Variants in TERB1 observed in about 807,000 individuals in gnomAD.
TERB1 encodes telomere repeat binding bouquet formation protein 1, also known as telomere repeats-binding bouquet formation protein 1.
TERB1 carries 63 observed loss-of-function variants against 92.3 expected under a neutral mutation model. The observed-to-expected ratio is 0.68, with a 90% CI of 0.56 to 0.84. The LOEUF (loss-of-function observed/expected upper bound fraction) is 0.84. TERB1 is among the 40% of genes least tolerant of loss of function. The pLI is 0.00. For missense variants in TERB1, 709 were observed against 843.7 expected (o/e 0.84, Z 1.98); for synonymous variants, 252 against 283.9 (o/e 0.89, Z 1.13).
intron 16 of TERB1, 27 bp from the exon 17 acceptor site, chr16:66,759,317 T>C: frequency 6.7e-7 from 1 of 1,500,276 alleles, no homozygotes; most frequent in Non-Finnish European, 8.9e-7. Context: ...TAAAGTTATG[T>C]GTAGATGTCA....
intron 12 of TERB1, 136 bp from the exon 13 acceptor site, chr16:66,772,885 A>C: frequency 1.6e-6 from 1 of 635,940 alleles, no homozygotes; most frequent in Non-Finnish European, 2.6e-6. Flanking sequence ...TGGTACTGAA[A>C]AGTAAGTGGA....
rs182532647 is a variant in TERB1 at position 66,792,864 on chromosome 16, T to A, written c.32-1845A>T. Among the ~76,000 whole-genome samples, 47 of 151,834 alleles carry A rather than the reference T, an allele frequency of 3.1e-4. 1 individual carries two copies. The highest frequency in any genetic ancestry group is 3.0e-3 in the Admixed American group (46 of 15,248). On this transcript the variant is annotated intron_variant, in intron 3 of 18. Coordinates refer to ENST00000433154, the MANE Select transcript of TERB1 (RefSeq NM_001136505.2). ...AACATAGAAAAGCTATAATACAGAT[T>A]TTTTTTTAGAAGATATATCCAGAAG... is the stretch of plus-strand genomic sequence containing the variant.
rs551842267 is a variant in TERB1, at chr16:66,762,140, C to A, written c.1781-2850G>T. On this transcript the variant is annotated intron_variant, in intron 16 of 18. Coordinates refer to ENST00000433154, the MANE Select transcript of TERB1 (RefSeq NM_001136505.2). ...ATATCCAAAAGAAGTGATCCTTAAGCTCAGTCATCTTTTTTGTTTTTAACA... is the reference window on the plus strand; with the variant it reads ...ATATCCAAAAGAAGTGATCCTTAAGATCAGTCATCTTTTTTGTTTTTAACA... Among the ~76,000 whole-genome samples the A allele has an allele frequency of 2.0e-5, 3 of 152,344 alleles. No homozygotes were observed. The South Asian group carries it at 6.2e-4, about 32-fold the overall frequency.
intron 10 of TERB1, among the ~76,000 whole-genome samples, chr16:66,777,964 A>C (rs2018576028): frequency 6.6e-6 from 1 of 152,254 alleles, no homozygotes; most frequent in Non-Finnish European, 1.5e-5. Context: ...ACTACATCTT[A>C]ATCATTTTTG....
intron 8 of TERB1, 39 bp downstream of exon 8, chr16:66,785,975 T>TTATCTTTA: frequency 6.5e-7 from 1 of 1,528,210 alleles, no homozygotes; most frequent in Non-Finnish European, 8.8e-7. Context: ...TCATTTGTTT[T>TTATCTTTA]TATCTTTATT....
intron 12 of TERB1, among the ~76,000 whole-genome samples, chr16:66,773,730 C>T (rs1162188164): frequency 6.6e-6 from 1 of 152,158 alleles, no homozygotes; most frequent in Admixed American, 6.5e-5. Flanking sequence ...TTTGTTATGT[C>T]AATTTATAAT....
chr16:66,798,880 G>C (rs899119349), intron 2 of TERB1, among the ~76,000 whole-genome samples: 2 of 152,136 alleles, frequency 1.3e-5, no homozygotes, highest in Non-Finnish European at 2.9e-5. Flanking sequence ...CCTTATGAGG[G>C]AATTATAAGG....
chr16:66,785,746 T>C (rs1597022729), intron 9 of TERB1, 40 bp downstream of exon 9: 5 of 1,472,902 alleles, frequency 3.4e-6, no homozygotes, highest in Admixed American at 2.7e-5. Flanking sequence ...CTTTGAAATA[T>C]GTTTCTTCAA....
At chr16:66,760,771 G>A (rs1423976035) in intron 16 of TERB1, among the ~76,000 whole-genome samples, 3 of 83,764 alleles carry the variant, frequency 3.6e-5, no homozygotes, top group South Asian at 5.7e-4. Flanking sequence ...GTGACAGAGC[G>A]AGACTCCATC....
chr16:66,762,201 T>G (rs940057224), intron 16 of TERB1, among the ~76,000 whole-genome samples: 3 of 152,234 alleles, frequency 2.0e-5, no homozygotes, highest in African/African-American at 7.2e-5. Flanking sequence ...TGAACTCCCA[T>G]ATATCTATCA....
intron 9 of TERB1, among the ~76,000 whole-genome samples, chr16:66,779,633 A>T (rs1370151314): frequency 2.6e-5 from 4 of 151,980 alleles, no homozygotes; most frequent in African/African-American, 7.2e-5. Context: ...GAAAAAAACA[A>T]AAAAAACACC....
chr16:66,764,547 T>C (rs2018306326), intron 16 of TERB1, among the ~76,000 whole-genome samples: 1 of 152,158 alleles, frequency 6.6e-6, no homozygotes, highest in Admixed American at 6.5e-5. Context: ...AAAGCACATA[T>C]TAAGAAGATA....
intron 14 of TERB1, among the ~76,000 whole-genome samples, chr16:66,768,489 T>A (rs1202892418): frequency 6.6e-6 from 1 of 152,120 alleles, no homozygotes; most frequent in Non-Finnish European, 1.5e-5. Flanking sequence ...GGAGCAAAAA[T>A]GAACATGGGT....
chr16:66,792,407 T>C (rs939435941), intron 3 of TERB1, among the ~76,000 whole-genome samples: 1 of 152,100 alleles, frequency 6.6e-6, no homozygotes, highest in African/African-American at 2.4e-5. Flanking sequence ...CTATATAACA[T>C]TGTCCCGAAG....
Position 66,758,754 on chromosome 16 carries a change from TTAAA to T in TERB1, c.1996+15_1996+18del. ...AGACCCTGTCTCAAGAAAAAAAAAA[TTAAA>T]TTAAATATATTCACTTATTCCTCCA... On this transcript the variant is annotated intron_variant, in intron 18 of 18. Transcript: ENST00000433154. 2 of 1,445,284 alleles carry T rather than the reference TTAAA, an allele frequency of 1.4e-6. No homozygotes were observed. Among genetic ancestry groups the T allele is most frequent in the Non-Finnish European group, 9.5e-7 (1 of 1,054,294 alleles). 89.5% of individuals were successfully genotyped at this position (1,445,284 alleles called of 1,614,324 possible).
rs759194419 is a variant in TERB1, at chr16:66,764,911, A to G, written c.1780+2504T>C. On this transcript the variant is annotated intron_variant, in intron 16 of 18. Transcript: ENST00000433154. ...TATGTGCTGAGAACTACTGGAAATG[A>G]AAGAATAAGGCTATAGCCCACGTTA... Among the ~76,000 whole-genome samples the G allele has an allele frequency of 3.3e-4, 50 of 152,232 alleles. 1 individual carries two copies. The highest frequency in any genetic ancestry group is 1.5e-4 in the Non-Finnish European group (10 of 68,042).
rs1442615134 is a variant in TERB1, at chr16:66,775,246, G to A, written c.986-3C>T. 6.5e-7 allele frequency: 1 copy of A among 1,548,384 alleles called. No homozygotes were observed. Among genetic ancestry groups the A allele is most frequent in the Non-Finnish European group, 8.7e-7 (1 of 1,144,404 alleles). On this transcript the variant is annotated splice_region_variant and splice_polypyrimidine_tract_variant and intron_variant, in intron 11 of 18. Transcript: ENST00000433154. The stretch of plus-strand genomic sequence containing the variant: ...AAAAAGGTCATACTGATTTTCCTCT[G>A]GAAAACATAAACAAAGAGGACAATG...
In TERB1 at chr16:66,758,804, G is replaced by A. The variant is rs2018180234; in HGVS notation, c.1965C>T (p.Leu655=). The part of the protein sequence containing the change: ...ILLTPRRRQR[L]SNESTTPGGI... ...CTCCAGGGGTAGTAGATTCATTACT[G>A]AGTCGTTGTCTTCTACGTGGGGTCA... The change falls in exon 18 of 19, where the codon CTC becomes CTT. Residue 655 remains leucine (L), a synonymous_variant. Transcript: ENST00000433154. 3 of 1,535,918 alleles carry A rather than the reference G, an allele frequency of 2.0e-6. No homozygotes were observed. The highest frequency in any genetic ancestry group is 2.6e-6 in the Non-Finnish European group (3 of 1,138,464).
At chr16:66,758,474 C>A in intron 18 of TERB1, 1 of 256,376 alleles carries the variant, frequency 3.9e-6, no homozygotes, top group Middle Eastern at 1.3e-3. Flanking sequence ...GGTGCAATGG[C>A]TCATGCCTGA....
Sources: gnomAD v4.1 joint callset for allele counts (sites outside exome capture counted in the v4.1 genomes callset) on GRCh38, gnomAD v4.1.1 for gene constraint, MANE v1.5 for transcripts, NCBI Gene and HGNC (gene_info 2026-07-23, HGNC 2026-07-21) for gene names.